The following PCCA variants were observed in gnomAD, a reference collection of about 807,000 sequenced individuals.
PCCA encodes propionyl-CoA carboxylase alpha chain, mitochondrial.
PCCA carries 74 observed loss-of-function variants against 101.3 expected under a neutral mutation model. The observed-to-expected ratio is 0.73, with a 90% CI of 0.61 to 0.89. The LOEUF (loss-of-function observed/expected upper bound fraction) is 0.89, where lower values mean the gene tolerates loss of function less well. Ranked by LOEUF, PCCA falls within the 40% of genes least tolerant of loss-of-function variation. The pLI is 0.00. For synonymous variants in PCCA, 294 were observed against 313.6 expected (o/e 0.94, Z 0.66); for missense variants, 891 against 907.0 (o/e 0.98, Z 0.23).
At chr13:100,518,021 T>TTTCTCC (rs1555328410) in intron 22 of PCCA, among the ~76,000 whole-genome samples, 6 of 152,100 alleles carry the variant, frequency 3.9e-5, no homozygotes, top group African/African-American at 1.5e-4. Flanking sequence ...GTGTTGTGTT[T>TTTCTCC]TCCTCCGCAC....
chr13:100,387,107 A>G (rs543520731), intron 19 of PCCA, among the ~76,000 whole-genome samples: 1 of 152,306 alleles, frequency 6.6e-6, no homozygotes, highest in East Asian at 1.9e-4. Flanking sequence ...AGGTGTAAGT[A>G]CACAAAACGC....
intron 21 of PCCA, among the ~76,000 whole-genome samples, chr13:100,456,620 A>G (rs569226353): frequency 1.9e-4 from 28 of 150,764 alleles, no homozygotes; most frequent in Admixed American, 1.3e-3. Flanking sequence ...GTGATCGTAG[A>G]ACAGGGGGGC....
At chr13:100,189,218 C>T (rs1440928802) in intron 6 of PCCA, among the ~76,000 whole-genome samples, 1 of 152,146 alleles carries the variant, frequency 6.6e-6, no homozygotes, top group Non-Finnish European at 1.5e-5. Context: ...GACATGAACT[C>T]GTCTTTCTTA....
intron 21 of PCCA, among the ~76,000 whole-genome samples, chr13:100,485,753 G>A (rs1046499762): frequency 1.1e-4 from 16 of 152,172 alleles, no homozygotes; most frequent in African/African-American, 3.9e-4. Context: ...AACTGGGAGA[G>A]CTGATGTATA....
intron 18 of PCCA, among the ~76,000 whole-genome samples, chr13:100,363,157 A>T (rs140668953): frequency 3.3e-5 from 5 of 152,290 alleles, no homozygotes; most frequent in Admixed American, 6.5e-5. Flanking sequence ...CTTGTACTTA[A>T]CTATTCCTCC....
At position 100,110,631 on chromosome 13, in the gene PCCA, A is replaced by T. The variant is rs147850327; in HGVS notation, c.184-1210A>T. Among the ~76,000 whole-genome samples, 358 of 152,304 alleles carry T rather than the reference A, an allele frequency of 2.4e-3. 4 individuals are homozygous for T. Among genetic ancestry groups the T allele is most frequent in the African/African-American group, 8.3e-3 (343 of 41,552 alleles). ...TCTGGGCATTTTTGGATATATGCAC[A>T]ATTAGGTACCTATTCTGAGTTACTG... On this transcript the variant is annotated intron_variant, in intron 2 of 23. Transcript: ENST00000376285.
intron 18 of PCCA, among the ~76,000 whole-genome samples, chr13:100,366,312 T>G: frequency 7.0e-6 from 1 of 143,486 alleles, no homozygotes; most frequent in South Asian, 2.1e-4. Context: ...GGGCACACAG[T>G]CCTGTCACAC....
At chr13:100,103,625 A>G (rs1315259257) in intron 2 of PCCA, among the ~76,000 whole-genome samples, 1 of 142,192 alleles carries the variant, frequency 7.0e-6, no homozygotes, top group Non-Finnish European at 1.5e-5. Context: ...CATTTACTTA[A>G]TATTTATATT....
chr13:100,525,026 T>TAGAC (rs1555330407), intron 22 of PCCA, among the ~76,000 whole-genome samples: 2,267 of 142,580 alleles, frequency 0.016, 33 homozygotes, highest in African/African-American at 0.029. Flanking sequence ...GATAGATAGA[T>TAGAC]AGACAGACAG....
chr13:100,419,458 C>T lies in PCCA; in HGVS notation c.1747-6175C>T, dbSNP rs191452293. On this transcript the variant is annotated intron_variant, in intron 19 of 23. Coordinates refer to ENST00000376285, the MANE Select transcript of PCCA (RefSeq NM_000282.4). Reference sequence around the variant, plus strand: ...CTGTACTCTAGCCTGGGCAACAGAGCGAGACTTTGTCTCAAAAAAAAAAAA... The same window carrying T: ...CTGTACTCTAGCCTGGGCAACAGAGTGAGACTTTGTCTCAAAAAAAAAAAA... Among the ~76,000 whole-genome samples the T allele has an allele frequency of 9.0e-5, 13 of 144,522 alleles. No individual in the cohort carries two copies. The East Asian group carries it at 2.4e-3, about 26-fold the overall frequency. The allele number at this position is 144,522 out of a possible 152,430, so 94.8% of individuals were successfully genotyped here.
At chr13:100,300,632 A>T (rs567598697) in intron 12 of PCCA, among the ~76,000 whole-genome samples, 1 of 152,228 alleles carries the variant, frequency 6.6e-6, no homozygotes, top group African/African-American at 2.4e-5. Flanking sequence ...AAGGTTTTAG[A>T]TGAACGGTAG....
intron 21 of PCCA, among the ~76,000 whole-genome samples, chr13:100,513,958 A>C (rs2086656176): frequency 6.6e-6 from 1 of 152,044 alleles, no homozygotes; most frequent in Non-Finnish European, 1.5e-5. Flanking sequence ...GTCCCTCCAC[A>C]CCTTCCCCCA....
rs369686995 is a variant in PCCA at position 100,233,289 on chromosome 13, AT to A, written c.601-2550del. ...TCATCCTGGCCATTATCAGATTTTA[AT>A]TTGCTAGAGGAAAAGTGAGATCTCA... On this transcript the variant is annotated intron_variant, in intron 7 of 23. Coordinates refer to ENST00000376285, the MANE Select transcript of PCCA (RefSeq NM_000282.4). 9.6e-4 allele frequency among the ~76,000 whole-genome samples: 146 copies of A among 152,318 alleles called. 4 individuals are homozygous for A. The South Asian group carries it at 0.028, about 29-fold the overall frequency.
intron 16 of PCCA, among the ~76,000 whole-genome samples, chr13:100,322,339 A>G (rs1207039378): frequency 6.6e-6 from 1 of 151,268 alleles, no homozygotes; most frequent in Non-Finnish European, 1.5e-5. Flanking sequence ...CCTACCTACA[A>G]GCTAGATGGG....
chr13:100,202,336 G>A (rs1467819232), intron 6 of PCCA, among the ~76,000 whole-genome samples: 2 of 152,006 alleles, frequency 1.3e-5, no homozygotes, highest in Non-Finnish European at 2.9e-5. Flanking sequence ...CCTGTTCCAC[G>A]AAAAGAACAT....
intron 21 of PCCA, among the ~76,000 whole-genome samples, chr13:100,499,973 C>T (rs769054883): frequency 3.9e-5 from 6 of 152,026 alleles, no homozygotes; most frequent in Non-Finnish European, 7.4e-5. Context: ...ATAACAGATT[C>T]ATTTTTTCTT....
chr13:100,184,717 A>G (rs982826005), intron 6 of PCCA, among the ~76,000 whole-genome samples: 11 of 152,230 alleles, frequency 7.2e-5, no homozygotes, highest in Non-Finnish European at 5.9e-5. Flanking sequence ...AACTTTCATT[A>G]TGAATACTTA....
At chr13:100,400,627 G>GTTTTTTT (rs763331038) in intron 19 of PCCA, among the ~76,000 whole-genome samples, 1,124 of 79,732 alleles carry the variant, frequency 0.014, 97 homozygotes, top group East Asian at 0.032. Flanking sequence ...GTTCTTTTTA[G>GTTTTTTT]TTCTTTTTTT....
chr13:100,448,150 T>C (rs1402953016), intron 20 of PCCA, among the ~76,000 whole-genome samples: 1 of 152,202 alleles, frequency 6.6e-6, no homozygotes, highest in Non-Finnish European at 1.5e-5. Context: ...GGAAGAATTC[T>C]GAGGAATACG....
Sources: gnomAD v4.1 joint callset for allele counts (sites outside exome capture counted in the v4.1 genomes callset) on GRCh38, gnomAD v4.1.1 for gene constraint, MANE v1.5 for transcripts, NCBI Gene and HGNC (gene_info 2026-07-23, HGNC 2026-07-21) for gene names.